ACAP2: variants seen among roughly 807,000 people sequenced by gnomAD.
ACAP2 encodes the protein arf-GAP with coiled-coil, ANK repeat and PH domain-containing protein 2.
ACAP2 carries 39 observed loss-of-function variants against 115.8 expected under a neutral mutation model. The observed-to-expected ratio is 0.34, with a 90% confidence interval of 0.26 to 0.44. The LOEUF (loss-of-function observed/expected upper bound fraction) is 0.44. ACAP2 is among the 20% of genes least tolerant of loss of function. ACAP2 has a pLI of 1.00. For synonymous variants in ACAP2, 289 were observed against 315.8 expected (o/e 0.92, Z 0.90); for missense variants, 662 against 927.6 (o/e 0.71, Z 3.72).
chr3:195,301,485 T>C lies in ACAP2; in HGVS notation c.1395+90A>G, dbSNP rs1013296765. ...ATTTAGCTAGCATACATTGGTAGCATGAAGAACTCACACATTTGTAAACCA... is the reference window on the plus strand; with the variant it reads ...ATTTAGCTAGCATACATTGGTAGCACGAAGAACTCACACATTTGTAAACCA... On this transcript the variant is annotated intron_variant, in intron 15 of 22. Coordinates refer to ENST00000326793, the MANE Select transcript of ACAP2 (RefSeq NM_012287.6). The C allele has an allele frequency of 5.1e-6, 5 of 989,422 alleles. No homozygotes were observed. In the African/African-American group the frequency reaches 6.6e-5, roughly 13 times the overall value. 61.3% of individuals were successfully genotyped at this position (989,422 alleles called of 1,614,324 possible). A position where few individuals can be genotyped will look rare whatever the true frequency, so the allele number is the denominator to read the frequency against.
chr3:195,436,363 A>AGATCAAGC (rs1479120713), intron 1 of ACAP2, among the ~76,000 whole-genome samples: 1 of 151,742 alleles, frequency 6.6e-6, no homozygotes, highest in African/African-American at 2.4e-5. Context: ...CGAACTCAAG[A>AGATCAAGC]GATCAAGCGA....
chr3:195,334,381 A>T (rs1355986517), intron 7 of ACAP2, among the ~76,000 whole-genome samples: 1 of 152,164 alleles, frequency 6.6e-6, no homozygotes, highest in Non-Finnish European at 1.5e-5. Flanking sequence ...GAGGGATGGG[A>T]TTAATAGCTA....
chr3:195,406,570 G>A (rs1172381250), intron 1 of ACAP2, among the ~76,000 whole-genome samples: 3 of 152,136 alleles, frequency 2.0e-5, no homozygotes, highest in African/African-American at 4.8e-5. Flanking sequence ...GGCCTCAAGT[G>A]ATCCTCCCAC....
rs116614265 is a variant in ACAP2 at position 195,297,493 on chromosome 3, G to C, written c.1396-212C>G. ...TGCTGTTCTTCACCAAATTACCTCT[G>C]CTAGAAGATTATCACCCCCACCAGA... On this transcript the variant is annotated intron_variant, in intron 15 of 22. Coordinates refer to ENST00000326793, the MANE Select transcript of ACAP2 (RefSeq NM_012287.6). Among the ~76,000 whole-genome samples the C allele has an allele frequency of 2.8e-3, 420 of 152,256 alleles. 1 individual carries two copies. The highest frequency in any genetic ancestry group is 5.0e-3 in the Non-Finnish European group (339 of 68,000).
chr3:195,354,729 C>A, intron 4 of ACAP2, among the ~76,000 whole-genome samples: 1 of 152,168 alleles, frequency 6.6e-6, no homozygotes, highest in Middle Eastern at 3.2e-3. Context: ...GCAACTTCAT[C>A]GTGAACTCTT....
chr3:195,380,975 A>G lies in ACAP2; in HGVS notation c.285+34T>C, dbSNP rs367834928. ...TCAAGAAAAATACTAAAATGTTAAT[A>G]TGGTCATAGTAACACCTACTTACTG... On this transcript the variant is annotated intron_variant, in intron 4 of 22. Coordinates refer to ENST00000326793, the MANE Select transcript of ACAP2 (RefSeq NM_012287.6). 5.9e-6 allele frequency: 9 copies of G among 1,531,900 alleles called. No individual in the cohort carries two copies. In the African/African-American group the frequency reaches 7.0e-5, roughly 12 times the overall value. 94.9% of individuals were successfully genotyped at this position (1,531,900 alleles called of 1,614,324 possible).
chr3:195,297,252 T>G lies in ACAP2; in HGVS notation c.1425A>C (p.Ile475=). Residue 475 remains isoleucine, a synonymous_variant, in exon 16 of 23, where the codon ATA becomes ATC. Transcript: ENST00000326793. ...KLMCELGNDV[I]NRVYEANVEK... Reference sequence around the variant, plus strand: ...CCACATTAGCTTCATAAACTCGATTTATAACATCATTCCCCAACTCACACA... The same window carrying G: ...CCACATTAGCTTCATAAACTCGATTGATAACATCATTCCCCAACTCACACA... The G allele has an allele frequency of 6.2e-7, 1 of 1,613,086 alleles. No homozygotes were observed. The highest frequency in any genetic ancestry group is 1.3e-5 in the African/African-American group (1 of 74,988).
intron 1 of ACAP2, among the ~76,000 whole-genome samples, chr3:195,399,194 C>G (rs1470060691): frequency 1.3e-5 from 2 of 152,088 alleles, no homozygotes; most frequent in Non-Finnish European, 2.9e-5. Flanking sequence ...AAAACCTCAC[C>G]AGATTTTATA....
chr3:195,357,359 C>T (rs758335565), intron 4 of ACAP2, among the ~76,000 whole-genome samples: 1 of 152,142 alleles, frequency 6.6e-6, no homozygotes, highest in Non-Finnish European at 1.5e-5. Flanking sequence ...GACTTCCAGG[C>T]ACTCTGAACC....
intron 1 of ACAP2, among the ~76,000 whole-genome samples, chr3:195,394,624 T>C (rs899483336): frequency 1.3e-5 from 2 of 152,346 alleles, no homozygotes; most frequent in African/African-American, 4.8e-5. Flanking sequence ...TAGACCAGCC[T>C]GGCCAACAGA....
intron 15 of ACAP2, among the ~76,000 whole-genome samples, chr3:195,298,664 T>C (rs1356706595): frequency 2.6e-5 from 4 of 151,448 alleles, no homozygotes; most frequent in South Asian, 4.2e-4. Flanking sequence ...GGAGTTTCCC[T>C]CTTGTTGCCC....
chr3:195,380,386 A>T (rs917684260), intron 4 of ACAP2, among the ~76,000 whole-genome samples: 3 of 152,212 alleles, frequency 2.0e-5, no homozygotes, highest in Non-Finnish European at 2.9e-5. Context: ...TGATTAAATA[A>T]TTATACAACA....
At chr3:195,375,532 C>T (rs1733471570) in intron 4 of ACAP2, among the ~76,000 whole-genome samples, 1 of 151,104 alleles carries the variant, frequency 6.6e-6, no homozygotes, top group South Asian at 2.1e-4. Context: ...AAAATACTGG[C>T]CAGGCACAGT....
intron 4 of ACAP2, among the ~76,000 whole-genome samples, chr3:195,361,205 C>T (rs947789715): frequency 6.6e-6 from 1 of 152,056 alleles, no homozygotes; most frequent in South Asian, 2.1e-4. Flanking sequence ...AAGGCCAAGA[C>T]AGGCAGATCA....
intron 2 of ACAP2, among the ~76,000 whole-genome samples, chr3:195,389,169 T>C (rs1045819538): frequency 2.0e-5 from 3 of 152,152 alleles, no homozygotes; most frequent in African/African-American, 7.2e-5. Flanking sequence ...GCCCTTTGGG[T>C]AAGACAGACT....
At chr3:195,319,570 T>G (rs1278839946) in intron 10 of ACAP2, among the ~76,000 whole-genome samples, 1 of 152,206 alleles carries the variant, frequency 6.6e-6, no homozygotes, top group African/African-American at 2.4e-5. Context: ...TTTTAGAGCT[T>G]TAAGATTTAA....
chr3:195,396,450 G>A (rs1373680925), intron 1 of ACAP2, among the ~76,000 whole-genome samples: 1 of 152,042 alleles, frequency 6.6e-6, no homozygotes, highest in African/African-American at 2.4e-5. Flanking sequence ...CATTAAATGT[G>A]TAACATGAGC....
intron 5 of ACAP2, 104 bp from the exon 6 acceptor site, chr3:195,342,758 G>A (rs998998733): frequency 1.3e-6 from 1 of 790,912 alleles, no homozygotes; most frequent in South Asian, 1.9e-5. Context: ...CACTTTGGGA[G>A]GCCGAGGTGG....
chr3:195,356,794 G>C (rs2108683945), intron 4 of ACAP2, among the ~76,000 whole-genome samples: 1 of 152,008 alleles, frequency 6.6e-6, no homozygotes, highest in South Asian at 2.1e-4. Flanking sequence ...GCTGACTAAA[G>C]AGCCCTTAGA....
Sources: allele counts gnomAD v4.1 joint callset (sites outside exome capture counted in the v4.1 genomes callset), GRCh38; gene constraint gnomAD v4.1.1; transcripts MANE v1.5; gene names NCBI Gene and HGNC (gene_info 2026-07-23, HGNC 2026-07-21).